The following MTCL1 variants were observed in gnomAD, a reference collection of about 807,000 sequenced individuals.
MTCL1 encodes the protein microtubule cross-linking factor 1.
A neutral mutation model predicts 141.4 loss-of-function variants in MTCL1; 79 were observed. That is an observed-to-expected ratio of 0.56 (90% confidence interval 0.47 to 0.67). MTCL1 has a LOEUF of 0.67. Ranked by LOEUF, MTCL1 falls within the 30% of genes least tolerant of loss-of-function variation. The pLI is 0.00. For missense variants in MTCL1, 2,177 were observed against 2,113.9 expected (o/e 1.03, Z -0.59); for synonymous variants, 914 against 875.8 (o/e 1.04, Z -0.77).
chr18:8,769,810 T>C (rs1490726525), intron 4 of MTCL1, among the ~76,000 whole-genome samples: 2 of 152,258 alleles, frequency 1.3e-5, no homozygotes, highest in African/African-American at 2.4e-5. Flanking sequence ...TTTCCTCTTC[T>C]TTCCCTCATT....
Position 8,822,941 on chromosome 18 carries a change from C to T in MTCL1, c.3188+1443C>T, listed in dbSNP as rs182767891. ...ATATTGGCTGAGGCAGGAAAATTGA[C>T]CGAACCCGGGAGGCGGAGGTTGCAG... On this transcript the variant is annotated intron_variant, in intron 14 of 16. Coordinates refer to ENST00000359865, the Ensembl canonical transcript of MTCL1. This position sits in a 1 kb window ranked among gnomAD's most constrained non-coding sequence, Gnocchi z 4.6. Among the ~76,000 whole-genome samples, 1 of 151,934 alleles carries T rather than the reference C, an allele frequency of 6.6e-6. No individual in the cohort carries two copies. The highest frequency in any genetic ancestry group is 1.5e-5 in the Non-Finnish European group (1 of 67,980).
intron 4 of MTCL1, among the ~76,000 whole-genome samples, chr18:8,731,050 C>A (rs2096247661): frequency 6.6e-6 from 1 of 151,874 alleles, no homozygotes; most frequent in South Asian, 2.1e-4. Flanking sequence ...TCAAGACCAT[C>A]CTGGCTAACA....
chr18:8,798,560 C>T (rs968262057), intron 10 of MTCL1, among the ~76,000 whole-genome samples: 41 of 152,144 alleles, frequency 2.7e-4, no homozygotes, highest in Non-Finnish European at 1.2e-4. Flanking sequence ...TGCTGCGTGT[C>T]GCTGCTGGGG....
At chr18:8,717,252 TG>T (rs926925369), upstream of MTCL1, 27 of 151,442 alleles carry the variant, frequency 1.8e-4, no homozygotes, top group African/African-American at 6.1e-4. Context: ...CACTCAGAGG[TG>T]GGAAGAAAAT....
chr18:8,744,375 A>C lies in MTCL1; in HGVS notation c.357+23879A>C, dbSNP rs563406832. On this transcript the variant is annotated intron_variant, in intron 4 of 16. Transcript: ENST00000359865. ...AGATTGAAGTATCATCGGTGTTATC[A>C]AACCTTTTCAATTTTTGTAGCTTCT... Among the ~76,000 whole-genome samples the C allele has an allele frequency of 6.2e-3, 947 of 152,330 alleles. 4 individuals are homozygous for C. Among genetic ancestry groups the C allele is most frequent in the Admixed American group, 0.01 (158 of 15,296 alleles).
chr18:8,729,770 T>C (rs1212584141), intron 4 of MTCL1, among the ~76,000 whole-genome samples: 1 of 140,442 alleles, frequency 7.1e-6, no homozygotes, highest in Non-Finnish European at 1.5e-5. Context: ...GTAGCTTGTC[T>C]TCTCATCCTC....
exon 13 of MTCL1, chr18:8,818,968 G>A (rs900509746): frequency 6.2e-7 from 1 of 1,600,300 alleles, no homozygotes; most frequent in African/African-American, 1.3e-5. Context: ...TCAAGTTGCA[G>A]AAAGAGAACA....
chr18:8,767,147 G>T (rs2096463429), intron 4 of MTCL1, among the ~76,000 whole-genome samples: 1 of 152,236 alleles, frequency 6.6e-6, no homozygotes, highest in Admixed American at 6.5e-5. Flanking sequence ...TCATGGAGCA[G>T]AAAGTTACCC....
At chr18:8,727,895 C>T (rs1313139583) in intron 4 of MTCL1, among the ~76,000 whole-genome samples, 2 of 142,112 alleles carry the variant, frequency 1.4e-5, no homozygotes, top group South Asian at 4.6e-4. Context: ...TCCCTCCCTC[C>T]CTCTCTCTCT....
At chr18:8,725,531 C>T (rs2148832900) in intron 4 of MTCL1, among the ~76,000 whole-genome samples, 1 of 152,198 alleles carries the variant, frequency 6.6e-6, no homozygotes, top group East Asian at 1.9e-4. Context: ...TAATGCTTAA[C>T]TTTGTCATTT....
In MTCL1 at chr18:8,706,401, A is replaced by G. The variant is rs1221008059; in HGVS notation, c.741A>G (p.Arg247=). The G allele has an allele frequency of 1.5e-5, 19 of 1,228,478 alleles. No homozygotes were observed. The Admixed American group carries it at 7.7e-4, about 50-fold the overall frequency. 76.1% of individuals were successfully genotyped at this position (1,228,478 alleles called of 1,614,324 possible). A position where few individuals can be genotyped will look rare whatever the true frequency, so the allele number is the denominator to read the frequency against. ...GCTCCAGCGACCGTGAACCCCCACG[A>G]GGAGCGCCGACGCCGAGCCCCGCAG... The change falls in exon 1 of 14, where the codon CGA becomes CGG. Residue 247 remains arginine (R), a synonymous_variant. Transcript: ENST00000306329.
chr18:8,781,934 A>G (rs1199870209), intron 5 of MTCL1, among the ~76,000 whole-genome samples: 5 of 152,254 alleles, frequency 3.3e-5, no homozygotes, highest in Non-Finnish European at 7.3e-5. Context: ...TCCCTGTGGC[A>G]GTGGCTGCAC....
intron 4 of MTCL1, among the ~76,000 whole-genome samples, chr18:8,745,925 T>C (rs567538696): frequency 1.3e-5 from 2 of 152,286 alleles, no homozygotes; most frequent in South Asian, 4.1e-4. Context: ...GCAACCACCA[T>C]TCTATTTTCT....
exon 6 of MTCL1, chr18:8,784,828 GGGC>G (rs779131425): frequency 1.9e-6 from 3 of 1,599,136 alleles, no homozygotes; most frequent in Non-Finnish European, 2.6e-6. Context: ...GGAAGGAGCT[GGGC>G]CCAGACTTGC....
chr18:8,825,583 T>C (rs2076996677), exon 15 of MTCL1: 1 of 1,613,570 alleles, frequency 6.2e-7, no homozygotes. Flanking sequence ...GCTACACCCG[T>C]GTCGTCTCCT....
intron 4 of MTCL1, among the ~76,000 whole-genome samples, chr18:8,756,377 ATGTATATATG>A (rs2096398672): frequency 6.8e-6 from 1 of 147,158 alleles, no homozygotes; most frequent in Non-Finnish European, 1.5e-5. Flanking sequence ...ATGTGTATAT[ATGTATATATG>A]TGTATATATG....
chr18:8,787,493 G>C (rs952133651), intron 7 of MTCL1: 3 of 152,562 alleles, frequency 2.0e-5, no homozygotes, highest in South Asian at 4.1e-4. Flanking sequence ...TGCAGTAGTG[G>C]GACGGCTCTG....
At chr18:8,711,003 A>G (rs533162033) in intron 1 of MTCL1, among the ~76,000 whole-genome samples, 1 of 150,674 alleles carries the variant, frequency 6.6e-6, no homozygotes, top group South Asian at 2.1e-4. Context: ...CTCGTCATCT[A>G]GCATTAGGTA....
intron 4 of MTCL1, among the ~76,000 whole-genome samples, chr18:8,736,119 C>A (rs1415432593): frequency 3.9e-5 from 6 of 152,080 alleles, no homozygotes; most frequent in Non-Finnish European, 8.8e-5. Flanking sequence ...ATGGACAAAT[C>A]GTATTTCACC....
Sources: allele counts gnomAD v4.1 joint callset (sites outside exome capture counted in the v4.1 genomes callset), GRCh38; gene constraint gnomAD v4.1.1; non-coding constraint Gnocchi (gnomAD v3.1); transcripts MANE v1.5; gene names NCBI Gene and HGNC (gene_info 2026-07-23, HGNC 2026-07-21).